Variants in NRCAM observed in about 807,000 individuals in gnomAD.
NRCAM encodes the protein neuronal cell adhesion molecule, also known as NgCAM-related cell adhesion molecule.
Under a neutral mutation model 156.5 loss-of-function variants are expected in NRCAM, and 83 were observed. The observed-to-expected ratio is 0.53, with a 90% CI of 0.44 to 0.64. NRCAM has a LOEUF of 0.64. Among genes scored for constraint, NRCAM ranks in the 30% least tolerant of loss-of-function variants. The probability of loss-of-function intolerance (pLI) is 0.00; values close to 1 mark genes in which losing one functional copy is unlikely to be tolerated. For synonymous variants in NRCAM, 538 were observed against 563.9 expected, an observed-to-expected ratio of 0.95 and a Z score of 0.65; for missense variants, 1,417 against 1,597.3, an observed-to-expected ratio of 0.89 and a Z score of 1.92.
intron 24 of NRCAM, 138 bp from the exon 25 acceptor site, chr7:108,180,565 A>C: frequency 1.5e-6 from 1 of 651,610 alleles, no homozygotes. Context: ...AAACTGATGG[A>C]TATTGATTCT....
chr7:108,255,919 G>A (rs1193476414), intron 3 of NRCAM, among the ~76,000 whole-genome samples: 2 of 148,204 alleles, frequency 1.3e-5, no homozygotes, highest in African/African-American at 5.1e-5. Context: ...GAGGTGGGGG[G>A]CAGCCCCCAC....
chr7:108,340,771 G>A (rs188251426), intron 2 of NRCAM, among the ~76,000 whole-genome samples: 5 of 152,250 alleles, frequency 3.3e-5, no homozygotes, highest in African/African-American at 9.6e-5. Context: ...ACTAAGGGAG[G>A]CCTTGAGAAA....
intron 1 of NRCAM, among the ~76,000 whole-genome samples, chr7:108,429,275 T>G (rs772139545): frequency 1.9e-4 from 29 of 152,142 alleles, no homozygotes; most frequent in Non-Finnish European, 3.7e-4. Context: ...CACTGCAACC[T>G]CTGCCTCCTG....
At chr7:108,244,851 A>G (rs1006696422) in intron 3 of NRCAM, among the ~76,000 whole-genome samples, 2 of 152,206 alleles carry the variant, frequency 1.3e-5, no homozygotes, top group Non-Finnish European at 2.9e-5. Flanking sequence ...ATAATGGAAC[A>G]ACATCCTGAT....
chr7:108,157,683 A>C (rs1237684038), intron 32 of NRCAM, among the ~76,000 whole-genome samples: 2 of 152,100 alleles, frequency 1.3e-5, no homozygotes, highest in African/African-American at 2.4e-5. Context: ...GATTTTAGTC[A>C]AGTTTTAATG....
chr7:108,181,618 T>C (rs1389930715), intron 24 of NRCAM, among the ~76,000 whole-genome samples: 1 of 151,556 alleles, frequency 6.6e-6, no homozygotes, highest in Non-Finnish European at 1.5e-5. Flanking sequence ...GAGAAAACTT[T>C]TTTTTTTTTT....
chr7:108,192,702 A>G (rs563496694), intron 17 of NRCAM, among the ~76,000 whole-genome samples: 3 of 152,150 alleles, frequency 2.0e-5, no homozygotes, highest in Non-Finnish European at 4.4e-5. Flanking sequence ...ATTTCTATCA[A>G]AGTATATATT....
rs2073775215 is a variant in NRCAM at position 108,194,393 on chromosome 7, T to A, written c.1499A>T (p.Asp500Val). 6.2e-7 allele frequency: 1 copy of A among 1,612,164 alleles called. No individual in the cohort carries two copies. The highest frequency in any genetic ancestry group is 8.5e-7 in the Non-Finnish European group (1 of 1,179,002). Residue 500 changes from aspartate to valine, a missense_variant, in exon 16 of 33, where the codon GAT (aspartate) becomes GTT (valine). Physicochemically the swap from Asp to Val is radical, Grantham distance 152. Coordinates refer to ENST00000379028, the MANE Select transcript of NRCAM (RefSeq NM_001037132.4). The stretch of plus-strand genomic sequence containing the variant: ...TCCATTTTCATGTAAAACATAAATA[T>A]CTTCATGAAGAGCACTTCCTTTAGC... ...KGAKGSALHE[D>V]IYVLHENGTL...
intron 31 of NRCAM, 67 bp from the exon 32 acceptor site, chr7:108,159,608 G>T: frequency 8.0e-7 from 1 of 1,248,328 alleles, no homozygotes. Context: ...GTCCATGAAA[G>T]CATTCTTTGA....
At chr7:108,186,594 C>T (rs1235831417) in intron 20 of NRCAM, among the ~76,000 whole-genome samples, 2 of 152,154 alleles carry the variant, frequency 1.3e-5, no homozygotes, top group Non-Finnish European at 2.9e-5. Flanking sequence ...CAAACTTTCT[C>T]GGTTCATGGT....
At chr7:108,289,643 G>A (rs917555118) in intron 3 of NRCAM, among the ~76,000 whole-genome samples, 2 of 152,104 alleles carry the variant, frequency 1.3e-5, no homozygotes, top group Admixed American at 6.6e-5. Flanking sequence ...TGAATTAAAT[G>A]CCATCAATAC....
rs377208053 is a variant in NRCAM at position 108,417,280 on chromosome 7, T to C, written c.-331-17687A>G. Among the ~76,000 whole-genome samples the C allele has an allele frequency of 3.3e-5, 5 of 152,184 alleles. No individual in the cohort carries two copies. The East Asian group carries it at 7.7e-4, about 23-fold the overall frequency. On this transcript the variant is annotated intron_variant, in intron 1 of 32. Coordinates refer to ENST00000379028, the MANE Select transcript of NRCAM (RefSeq NM_001037132.4). The stretch of plus-strand genomic sequence containing the variant: ...GGTAACTTATAAGGACAGAAATTTA[T>C]TGGCTCACAATTCTGGAGTCTGAGA...
rs3077977 is a variant in NRCAM at position 108,378,632 on chromosome 7, A to AACACAC, written c.-174+20798_-174+20803dup. ...GAAACAAAACAAATAAGCAGGATTC[A>AACACAC]ACACACACACACACACACACACACA... On this transcript the variant is annotated intron_variant, in intron 2 of 32. Transcript: ENST00000379028. Among the ~76,000 whole-genome samples, 704 of 115,934 alleles carry AACACAC rather than the reference A, an allele frequency of 6.1e-3. 5 individuals are homozygous for AACACAC. Among genetic ancestry groups the AACACAC allele is most frequent in the Non-Finnish European group, 8.9e-3 (487 of 54,994 alleles). The allele number at this position is 115,934 out of a possible 152,430, so 76.1% of individuals were successfully genotyped here. A position where few individuals can be genotyped will look rare whatever the true frequency, so the allele number is the denominator to read the frequency against.
chr7:108,156,384 T>A (rs1401875923), intron 32 of NRCAM: 1 of 984,066 alleles, frequency 1.0e-6, no homozygotes, highest in Non-Finnish European at 1.2e-6. Flanking sequence ...AAAAAATACT[T>A]ACACTCTTGG....
intron 2 of NRCAM, among the ~76,000 whole-genome samples, chr7:108,329,759 T>C (rs1186054060): frequency 6.6e-6 from 1 of 152,180 alleles, no homozygotes; most frequent in Non-Finnish European, 1.5e-5. Flanking sequence ...ATGACTGTAA[T>C]CACATGACCT....
chr7:108,348,905 G>GAAA (rs60746037), intron 2 of NRCAM, among the ~76,000 whole-genome samples: 1 of 126,350 alleles, frequency 7.9e-6, no homozygotes. Context: ...TCCATCTCAG[G>GAAA]AAAAAAAAAA....
At chr7:108,228,119 C>T (rs1221857114) in intron 8 of NRCAM, among the ~76,000 whole-genome samples, 1 of 152,094 alleles carries the variant, frequency 6.6e-6, no homozygotes, top group African/African-American at 2.4e-5. Context: ...GTGAGGAGTT[C>T]AAGACCAGTC....
intron 3 of NRCAM, among the ~76,000 whole-genome samples, chr7:108,259,541 T>A (rs1049293524): frequency 3.3e-5 from 5 of 152,196 alleles, no homozygotes; most frequent in African/African-American, 1.2e-4. Context: ...GATACATGCA[T>A]GTGTATGTTT....
chr7:108,397,584 C>G (rs1235575864), intron 2 of NRCAM, among the ~76,000 whole-genome samples: 1 of 152,104 alleles, frequency 6.6e-6, no homozygotes, highest in East Asian at 1.9e-4. Flanking sequence ...CACCACCCCA[C>G]TGAAGAATGC....
Sources: allele counts gnomAD v4.1 joint callset (sites outside exome capture counted in the v4.1 genomes callset), GRCh38; gene constraint gnomAD v4.1.1; transcripts MANE v1.5; gene names NCBI Gene and HGNC (gene_info 2026-07-23, HGNC 2026-07-21).